PTPRG: variants seen among roughly 807,000 people sequenced by gnomAD.
PTPRG encodes receptor-type tyrosine-protein phosphatase gamma.
In PTPRG, 102 loss-of-function variants were observed where a neutral mutation model predicts 165.3. That is an observed-to-expected ratio of 0.62 (90% CI 0.53 to 0.73). The LOEUF (loss-of-function observed/expected upper bound fraction) is 0.73. Among genes scored for constraint, PTPRG ranks in the 30% least tolerant of loss-of-function variants. The pLI is 0.00. For missense variants in PTPRG, 1,866 were observed against 1,861.4 expected (o/e 1.00, Z -0.05); for synonymous variants, 675 against 669.5 (o/e 1.01, Z -0.13).
chr3:61,949,129 G>T (rs11924395), intron 2 of PTPRG, among the ~76,000 whole-genome samples: 2 of 150,624 alleles, frequency 1.3e-5, no homozygotes, highest in African/African-American at 2.4e-5. Flanking sequence ...CCTGGTTTTC[G>T]TCACCAAGGG....
chr3:62,212,866 T>C (rs1470597933), intron 12 of PTPRG, among the ~76,000 whole-genome samples: 3 of 152,122 alleles, frequency 2.0e-5, no homozygotes, highest in African/African-American at 4.8e-5. Context: ...AATTAAAAAA[T>C]AACTACTTGG....
At chr3:61,802,670 T>A (rs1475535652) in intron 2 of PTPRG, among the ~76,000 whole-genome samples, 1 of 152,172 alleles carries the variant, frequency 6.6e-6, no homozygotes, top group Non-Finnish European at 1.5e-5. Flanking sequence ...CATTTATCAG[T>A]CCTGGGTAGA....
intron 1 of PTPRG, among the ~76,000 whole-genome samples, chr3:61,738,340 A>ATATATATATGTGTATATATATATATGTG (rs2032840343): frequency 1.7e-4 from 10 of 60,188 alleles, no homozygotes; most frequent in Non-Finnish European, 3.5e-4. Context: ...ATATATATGT[A>ATATATATATGTGTATATATATATATGTG]TATATATATA....
At chr3:61,734,192 C>T (rs570385523) in intron 1 of PTPRG, among the ~76,000 whole-genome samples, 25 of 152,274 alleles carry the variant, frequency 1.6e-4, no homozygotes, top group Non-Finnish European at 2.4e-4. Context: ...TTCTCTTTCT[C>T]GCTTTTTCTG....
intron 4 of PTPRG, among the ~76,000 whole-genome samples, chr3:62,019,383 C>T (rs146563516): frequency 3.3e-5 from 5 of 152,040 alleles, no homozygotes; most frequent in East Asian, 1.9e-4. Context: ...CTTAGTTGGG[C>T]GTGGTGGCAC....
chr3:61,844,110 T>C (rs59337535), intron 2 of PTPRG, among the ~76,000 whole-genome samples: 2 of 152,022 alleles, frequency 1.3e-5, no homozygotes, highest in Non-Finnish European at 2.9e-5. Flanking sequence ...ATTACAGGCA[T>C]GTGCCCCCAG....
chr3:61,825,896 C>G (rs932997661), intron 2 of PTPRG, among the ~76,000 whole-genome samples: 1 of 151,708 alleles, frequency 6.6e-6, no homozygotes, highest in Non-Finnish European at 1.5e-5. Flanking sequence ...AGTAATTTTC[C>G]TGCCTCAGCC....
At chr3:62,050,759 A>G (rs6782339) in intron 4 of PTPRG, among the ~76,000 whole-genome samples, 1,846 of 152,280 alleles carry the variant, frequency 0.012, 45 homozygotes, top group African/African-American at 0.042. Context: ...AGGTATCAGG[A>G]ATCTGTTTTT....
intron 4 of PTPRG, among the ~76,000 whole-genome samples, chr3:62,036,461 A>G (rs1260021233): frequency 3.9e-5 from 6 of 152,164 alleles, no homozygotes; most frequent in Admixed American, 1.3e-4. Context: ...GCCACTCCAC[A>G]CTGTAATGAG....
intron 15 of PTPRG, among the ~76,000 whole-genome samples, chr3:62,250,621 A>T (rs1438178807): frequency 2.0e-5 from 3 of 152,224 alleles, no homozygotes; most frequent in Non-Finnish European, 4.4e-5. Context: ...ATTTCCCTCT[A>T]ACAGTTCTGA....
intron 19 of PTPRG, 104 bp downstream of exon 19, chr3:62,267,923 C>T (rs558742263): frequency 1.6e-4 from 210 of 1,338,192 alleles, no homozygotes; most frequent in African/African-American, 1.0e-4. Flanking sequence ...TAAAGAGTTA[C>T]GGAAATGAAA....
chr3:62,208,193 G>C (rs1700276200), intron 12 of PTPRG, among the ~76,000 whole-genome samples: 1 of 152,058 alleles, frequency 6.6e-6, no homozygotes, highest in Admixed American at 6.6e-5. Context: ...CCTTTCACCA[G>C]GCTTTTTTCT....
rs898960296 is a variant in PTPRG at position 62,077,648 on chromosome 3, A to G, written c.520-515A>G. On this transcript the variant is annotated intron_variant, in intron 4 of 29. Coordinates refer to ENST00000474889, the MANE Select transcript of PTPRG (RefSeq NM_002841.4). Reference sequence around the variant, plus strand: ...GAATGCATTGTAGTTATGTGAAAAGATGGGATATATTCTGACATATCTAGG... The same window carrying G: ...GAATGCATTGTAGTTATGTGAAAAGGTGGGATATATTCTGACATATCTAGG... 2.0e-5 allele frequency among the ~76,000 whole-genome samples: 3 copies of G among 152,148 alleles called. 1 individual carries two copies. The highest frequency in any genetic ancestry group is 2.0e-4 in the Admixed American group (3 of 15,270).
intron 2 of PTPRG, among the ~76,000 whole-genome samples, chr3:61,908,295 G>A (rs373349010): frequency 1.3e-5 from 2 of 150,822 alleles, no homozygotes; most frequent in Non-Finnish European, 2.9e-5. Flanking sequence ...GCATGGTGGC[G>A]CATGCCTGTA....
At chr3:62,265,926 C>CACACACA (rs879614619) in intron 17 of PTPRG, among the ~76,000 whole-genome samples, 3 of 150,128 alleles carry the variant, frequency 2.0e-5, no homozygotes, top group Non-Finnish European at 3.0e-5. Context: ...CACACACACA[C>CACACACA]CATTCTCTCC....
chr3:61,992,700 T>G (rs951789770), intron 3 of PTPRG, among the ~76,000 whole-genome samples: 7 of 152,154 alleles, frequency 4.6e-5, no homozygotes, highest in Admixed American at 6.5e-5. Context: ...TTCTGTATTT[T>G]TAGTAGAGAC....
intron 4 of PTPRG, among the ~76,000 whole-genome samples, chr3:62,020,324 G>GA (rs1224090457): frequency 6.6e-6 from 1 of 151,362 alleles, no homozygotes; most frequent in East Asian, 1.9e-4. Flanking sequence ...TTAAATTCAA[G>GA]AAAAAAAACC....
At chr3:61,973,693 G>A (rs1206394863) in intron 2 of PTPRG, among the ~76,000 whole-genome samples, 9 of 151,936 alleles carry the variant, frequency 5.9e-5, no homozygotes, top group Non-Finnish European at 1.3e-4. Flanking sequence ...TTACCTGGGC[G>A]TGGTGGTGGG....
intron 1 of PTPRG, among the ~76,000 whole-genome samples, chr3:61,738,300 A>ATATG (rs1334028615): frequency 1.6e-5 from 1 of 60,644 alleles, no homozygotes; most frequent in South Asian, 7.2e-4. Context: ...ATATATATAT[A>ATATG]TATATATATA....
Sources: gnomAD v4.1 joint callset for allele counts (sites outside exome capture counted in the v4.1 genomes callset) on GRCh38, gnomAD v4.1.1 for gene constraint, MANE v1.5 for transcripts, NCBI Gene and HGNC (gene_info 2026-07-23, HGNC 2026-07-21) for gene names.